Variants in NEO1 observed in about 807,000 individuals in gnomAD.
NEO1 encodes neogenin 1.
In NEO1, 63 loss-of-function variants were observed where a neutral mutation model predicts 159.7. The ratio of observed to expected loss-of-function variants is 0.39; its 90% CI spans 0.32 to 0.49. NEO1 has a LOEUF of 0.49. Among genes scored for constraint, NEO1 ranks in the 20% least tolerant of loss-of-function variants. The pLI is 0.85. For synonymous variants in NEO1, 633 were observed against 662.0 expected, an observed-to-expected ratio of 0.96 and a Z score of 0.67; for missense variants, 1,615 against 1,831.0, an observed-to-expected ratio of 0.88 and a Z score of 2.15.
Position 73,260,374 on chromosome 15 carries a change from A to G in NEO1, c.2307A>G (p.Arg769=), listed in dbSNP as rs2040568581. ...CAGAGAATCAGAACATTGTGGTCAG[A>G]GGTTACGCCATTGGTTATGGCATTG... ...TPPENQNIVV[R]GYAIGYGIGS... is the part of the protein sequence containing the mutation. Residue 769 remains arginine, a synonymous_variant, in exon 15 of 29, where the codon AGA becomes AGG. Transcript: ENST00000261908. 2 of 1,614,016 alleles carry G rather than the reference A, an allele frequency of 1.2e-6. No homozygotes were observed. Among genetic ancestry groups the G allele is most frequent in the Non-Finnish European group, 8.5e-7 (1 of 1,179,978 alleles).
At chr15:73,074,045 G>A (rs1200761707) in intron 1 of NEO1, among the ~76,000 whole-genome samples, 1 of 152,124 alleles carries the variant, frequency 6.6e-6, no homozygotes, top group African/African-American at 2.4e-5. Flanking sequence ...TACTATAACA[G>A]TGTTTAATTC....
chr15:73,052,561 C>G lies in NEO1; in HGVS notation c.-115C>G, dbSNP rs1320317616. 4 of 544,514 alleles carry G rather than the reference C, an allele frequency of 7.3e-6. No individual in the cohort carries two copies. The East Asian group carries it at 2.2e-4, about 30-fold the overall frequency. The allele number at this position is 544,514 out of a possible 1,614,324, so 33.7% of individuals were successfully genotyped here. A position where few individuals can be genotyped will look rare whatever the true frequency, so the allele number is the denominator to read the frequency against. On this transcript the variant is annotated 5_prime_UTR_variant, in exon 1 of 29. Coordinates refer to ENST00000261908, the MANE Select transcript of NEO1 (RefSeq NM_002499.4). ...GCCGGGCCGGGCTGGGCTGGAGCAG[C>G]GGCGGCCGCGGGAGCCGAGCTTGCA...
chr15:73,214,206 C>T (rs912961293), intron 7 of NEO1, among the ~76,000 whole-genome samples: 1 of 152,160 alleles, frequency 6.6e-6, no homozygotes, highest in Non-Finnish European at 1.5e-5. Flanking sequence ...TGAAGCTTTT[C>T]TCCCACTCTG....
intron 4 of NEO1, among the ~76,000 whole-genome samples, chr15:73,132,371 C>T (rs80200465): frequency 3.0e-3 from 461 of 152,120 alleles, no homozygotes; most frequent in African/African-American, 0.01. Flanking sequence ...TGTTTCTTCA[C>T]GAAGTCTGAG....
At chr15:73,221,449 C>G (rs1223517150) in intron 7 of NEO1, among the ~76,000 whole-genome samples, 2 of 152,224 alleles carry the variant, frequency 1.3e-5, no homozygotes, top group African/African-American at 4.8e-5. Flanking sequence ...AACCACTGCT[C>G]TCTGCAAAGC....
At chr15:73,073,649 G>A (rs1210605507) in intron 1 of NEO1, among the ~76,000 whole-genome samples, 1 of 152,274 alleles carries the variant, frequency 6.6e-6, no homozygotes, top group East Asian at 1.9e-4. Context: ...CCTTTAACGA[G>A]AGGGAAGGAA....
At chr15:73,085,345 A>C (rs1394050538) in intron 1 of NEO1, among the ~76,000 whole-genome samples, 2 of 152,178 alleles carry the variant, frequency 1.3e-5, no homozygotes, top group Non-Finnish European at 2.9e-5. Context: ...CATTGTATGA[A>C]TGTACCATAG....
At chr15:73,227,225 G>A (rs554505590) in intron 7 of NEO1, among the ~76,000 whole-genome samples, 43 of 152,310 alleles carry the variant, frequency 2.8e-4, no homozygotes, top group African/African-American at 8.7e-4. Flanking sequence ...GCCGGGCGCA[G>A]TGGCTCATAC....
intron 7 of NEO1, among the ~76,000 whole-genome samples, chr15:73,205,417 G>C (rs1596337425): frequency 6.6e-6 from 1 of 152,112 alleles, no homozygotes; most frequent in Admixed American, 6.5e-5. Flanking sequence ...TAATTCTCTG[G>C]AACAGGTTCT....
intron 1 of NEO1, among the ~76,000 whole-genome samples, chr15:73,063,649 G>T (rs1383724261): frequency 6.6e-6 from 1 of 151,846 alleles, no homozygotes; most frequent in African/African-American, 2.4e-5. Context: ...TTGTTTGTTT[G>T]TTTGTTTTTT....
At chr15:73,140,330 A>C (rs1361497412) in intron 5 of NEO1, among the ~76,000 whole-genome samples, 2 of 152,252 alleles carry the variant, frequency 1.3e-5, no homozygotes, top group East Asian at 3.9e-4. Flanking sequence ...CTGAGGCAGG[A>C]GGATCACTTG....
chr15:73,278,383 CAAATT>C (rs143672506), intron 22 of NEO1, among the ~76,000 whole-genome samples, 184 bp downstream of exon 22: 2,820 of 152,286 alleles, frequency 0.019, 100 homozygotes, highest in African/African-American at 0.064. Flanking sequence ...ACCCATAAAT[CAAATT>C]GTTTCCCCAG....
At chr15:73,110,824 A>C (rs1008964659) in intron 1 of NEO1, among the ~76,000 whole-genome samples, 2 of 152,188 alleles carry the variant, frequency 1.3e-5, no homozygotes, top group African/African-American at 4.8e-5. Flanking sequence ...GGGGAGAAGT[A>C]TAAGCCAGTT....
At chr15:73,179,326 G>C (rs769180223) in intron 7 of NEO1, among the ~76,000 whole-genome samples, 2 of 152,182 alleles carry the variant, frequency 1.3e-5, no homozygotes, top group Non-Finnish European at 2.9e-5. Flanking sequence ...TTACGGATGA[G>C]ATCCAGACCC....
Position 73,232,492 on chromosome 15 carries a change from G to A in NEO1, c.1292-3855G>A, listed in dbSNP as rs1408825715. 2.0e-5 allele frequency among the ~76,000 whole-genome samples: 3 copies of A among 152,130 alleles called. No homozygotes were observed. In the East Asian group the frequency reaches 5.8e-4, roughly 29 times the overall value. ...CATTCAAAATCTGGATTATTTTTTA[G>A]TTTGCCCAGCCTTTGCTTTCTACCG... On this transcript the variant is annotated intron_variant, in intron 7 of 28. Transcript: ENST00000261908.
At chr15:73,066,557 A>T (rs187697669) in intron 1 of NEO1, among the ~76,000 whole-genome samples, 6 of 152,130 alleles carry the variant, frequency 3.9e-5, no homozygotes, top group African/African-American at 1.2e-4. Context: ...TCTTCTCAGG[A>T]TTTACCTTTA....
chr15:73,058,526 A>T (rs2067827626), intron 1 of NEO1, among the ~76,000 whole-genome samples: 3 of 152,176 alleles, frequency 2.0e-5, no homozygotes, highest in Non-Finnish European at 2.9e-5. Flanking sequence ...TGTGATGAAC[A>T]TATTCTTTCT....
chr15:73,298,714 A>T, intron 27 of NEO1, 103 bp downstream of exon 27: 1 of 1,455,204 alleles, frequency 6.9e-7, no homozygotes, highest in South Asian at 1.3e-5. Context: ...AGCAAAGCAA[A>T]TATCCTCCAA....
chr15:73,220,360 A>G (rs1317733257), intron 7 of NEO1, among the ~76,000 whole-genome samples: 1 of 151,684 alleles, frequency 6.6e-6, no homozygotes, highest in Non-Finnish European at 1.5e-5. Context: ...TGCCCTTAAC[A>G]TTTTTTCCTT....
Sources: gnomAD v4.1 joint callset for allele counts (sites outside exome capture counted in the v4.1 genomes callset) on GRCh38, gnomAD v4.1.1 for gene constraint, MANE v1.5 for transcripts, NCBI Gene and HGNC (gene_info 2026-07-23, HGNC 2026-07-21) for gene names.